Variants in THSD4 observed in about 807,000 individuals in gnomAD.
The protein encoded by THSD4 is thrombospondin type-1 domain-containing protein 4.
In THSD4, 69 loss-of-function variants were observed where a neutral mutation model predicts 119.0. The ratio of observed to expected loss-of-function variants is 0.58; its 90% CI spans 0.48 to 0.71. THSD4 has a LOEUF of 0.71. Among genes scored for constraint, THSD4 ranks in the 30% least tolerant of loss-of-function variants. The pLI is 0.00. For synonymous variants in THSD4, 524 were observed against 540.4 expected (o/e 0.97, Z 0.42); for missense variants, 1,393 against 1,391.1 (o/e 1.00, Z -0.02).
intron 6 of THSD4, among the ~76,000 whole-genome samples, chr15:71,269,600 G>A (rs1258923703): frequency 6.6e-6 from 1 of 152,006 alleles, no homozygotes; most frequent in Non-Finnish European, 1.5e-5. Flanking sequence ...TTCTGGCCAG[G>A]GCAATTAGGC....
Position 71,716,246 on chromosome 15 carries a change from C to A in THSD4, c.1358-12303C>A, listed in dbSNP as rs192402999. On this transcript the variant is annotated intron_variant, in intron 8 of 17. Transcript: ENST00000261862. ...TCCAAATTGCCTTCTTTTCTAAGGA[C>A]ACCAGTCATACTGGATTTAGGGCCC... Among the ~76,000 whole-genome samples the A allele has an allele frequency of 7.0e-3, 1,062 of 152,224 alleles. 45 individuals carry two copies. Among genetic ancestry groups the A allele is most frequent in the Admixed American group, 0.062 (952 of 15,288 alleles).
chr15:71,299,976 A>AAAT lies in THSD4; in HGVS notation c.1015+43262_1015+43263insATA, dbSNP rs1555462049. On this transcript the variant is annotated intron_variant, in intron 6 of 17. Coordinates refer to ENST00000261862, the MANE Select transcript of THSD4 (RefSeq NM_024817.3). ...TGTCTCTACCAAAAAAAAAAAAAAA[A>AAAT]ATATATATATATATATATATATATA... is the stretch of plus-strand genomic sequence containing the variant. Among the ~76,000 whole-genome samples the AAAT allele has an allele frequency of 1.2e-3, 58 of 48,310 alleles. No individual in the cohort carries two copies. In the East Asian group the frequency reaches 0.016, roughly 13 times the overall value. The allele number at this position is 48,310 out of a possible 152,430, so 31.7% of individuals were successfully genotyped here. A position where few individuals can be genotyped will look rare whatever the true frequency, so the allele number is the denominator to read the frequency against.
At chr15:71,492,240 G>C (rs568984144) in intron 7 of THSD4, among the ~76,000 whole-genome samples, 1 of 151,682 alleles carries the variant, frequency 6.6e-6, no homozygotes. Context: ...GCTGTTCCTC[G>C]TCTTAGGTTT....
At chr15:71,740,486 A>G (rs1264415954) in intron 11 of THSD4, among the ~76,000 whole-genome samples, 1 of 152,234 alleles carries the variant, frequency 6.6e-6, no homozygotes, top group Non-Finnish European at 1.5e-5. Flanking sequence ...AAAGGGTGCC[A>G]TGTGGAGAAG....
At chr15:71,696,248 T>C (rs560434496) in intron 8 of THSD4, among the ~76,000 whole-genome samples, 7 of 152,306 alleles carry the variant, frequency 4.6e-5, no homozygotes, top group Admixed American at 4.6e-4. Context: ...GCTTTCGTGC[T>C]ATGTCACAAC....
intron 3 of THSD4, among the ~76,000 whole-genome samples, chr15:71,214,139 A>C (rs767573288): frequency 2.6e-5 from 4 of 152,222 alleles, no homozygotes; most frequent in African/African-American, 9.6e-5. Flanking sequence ...AGGATTGTAT[A>C]TGCACCAATC....
chr15:71,635,058 G>A (rs1394404697), intron 7 of THSD4, among the ~76,000 whole-genome samples: 1 of 152,140 alleles, frequency 6.6e-6, no homozygotes, highest in East Asian at 1.9e-4. Flanking sequence ...AACATTTGAT[G>A]CTATTTAAAG....
intron 8 of THSD4, among the ~76,000 whole-genome samples, chr15:71,696,199 G>A (rs138832184): frequency 9.1e-4 from 139 of 152,286 alleles, no homozygotes; most frequent in African/African-American, 3.3e-3. Flanking sequence ...AGTTCTGCAG[G>A]CCGAGAAGTT....
chr15:71,168,041 T>G (rs189455926), intron 3 of THSD4, among the ~76,000 whole-genome samples: 13 of 152,364 alleles, frequency 8.5e-5, no homozygotes, highest in Admixed American at 1.3e-4. Context: ...GAAGTCGTCC[T>G]CATGTTCCTG....
chr15:71,148,301 C>T (rs1004284998), intron 2 of THSD4, among the ~76,000 whole-genome samples: 3 of 152,158 alleles, frequency 2.0e-5, no homozygotes, highest in Admixed American at 6.5e-5. Flanking sequence ...TAAACAACAC[C>T]TGATAGCAGG....
intron 8 of THSD4, among the ~76,000 whole-genome samples, chr15:71,673,361 T>C (rs1183458624): frequency 6.6e-6 from 1 of 152,224 alleles, no homozygotes; most frequent in Admixed American, 6.5e-5. Flanking sequence ...TTATTGCGTC[T>C]ATTTGATTCT....
intron 6 of THSD4, among the ~76,000 whole-genome samples, chr15:71,343,583 C>T (rs1006844694): frequency 6.6e-6 from 1 of 152,078 alleles, no homozygotes; most frequent in Non-Finnish European, 1.5e-5. Context: ...ATTGCTCAAG[C>T]CTCTGTCTTT....
chr15:71,755,353 A>C (rs1341922885), intron 14 of THSD4, among the ~76,000 whole-genome samples: 1 of 152,222 alleles, frequency 6.6e-6, no homozygotes, highest in South Asian at 2.1e-4. Context: ...GCATACAAAA[A>C]TGAAAGTGGA....
At chr15:71,733,479 A>G (rs1166325602) in intron 10 of THSD4, 1 of 152,192 alleles carries the variant, frequency 6.6e-6, no homozygotes, top group East Asian at 1.9e-4. Flanking sequence ...AGGCACTGAA[A>G]AGACTTCTTA....
intron 7 of THSD4, among the ~76,000 whole-genome samples, chr15:71,429,179 C>T (rs932850678): frequency 2.0e-5 from 3 of 152,140 alleles, no homozygotes; most frequent in Admixed American, 6.5e-5. Flanking sequence ...ACAGGAAAAT[C>T]GGAGGAGAAT....
intron 2 of THSD4, among the ~76,000 whole-genome samples, chr15:71,148,178 C>T (rs2040682664): frequency 6.6e-6 from 1 of 152,140 alleles, no homozygotes; most frequent in Non-Finnish European, 1.5e-5. Flanking sequence ...AGGCCTTTTC[C>T]CGGGGCCTGT....
intron 3 of THSD4, among the ~76,000 whole-genome samples, chr15:71,199,775 G>GGTGTGTGGGT (rs1273591968): frequency 1.5e-5 from 2 of 137,754 alleles, no homozygotes; most frequent in South Asian, 2.4e-4. Flanking sequence ...TGGTGTGTGT[G>GGTGTGTGGGT]GTGTGTGGGT....
At chr15:71,727,553 A>AAAAAAAATACAT (rs2052875274) in intron 8 of THSD4, among the ~76,000 whole-genome samples, 1 of 122,830 alleles carries the variant, frequency 8.1e-6, no homozygotes, top group African/African-American at 3.9e-5. Context: ...AAAAAAAAAA[A>AAAAAAAATACAT]ATATATATAT....
intron 6 of THSD4, among the ~76,000 whole-genome samples, chr15:71,366,347 A>T (rs2045964086): frequency 6.6e-6 from 1 of 152,104 alleles, no homozygotes. Context: ...GTGCTGGGAA[A>T]CAGCTCCCGG....
Sources: allele counts gnomAD v4.1 joint callset (sites outside exome capture counted in the v4.1 genomes callset), GRCh38; gene constraint gnomAD v4.1.1; transcripts MANE v1.5; gene names NCBI Gene and HGNC (gene_info 2026-07-23, HGNC 2026-07-21).